The following TMEM164 variants were observed in gnomAD, a reference collection of about 807,000 sequenced individuals.
TMEM164 encodes the protein RP13-360B22.2.
In TMEM164, 4 loss-of-function variants were observed where a neutral mutation model predicts 18.8. That is an observed-to-expected ratio of 0.21 (90% CI 0.10 to 0.49). The LOEUF is 0.49. TMEM164 is among the 20% of genes least tolerant of loss of function. The pLI is 0.98. For synonymous variants in TMEM164, 86 were observed against 101.7 expected (o/e 0.85, Z 0.93); for missense variants, 108 against 239.9 (o/e 0.45, Z 3.63).
chrX:110,062,517 A>C (rs1312469916), intron 2 of TMEM164, among the ~76,000 whole-genome samples: 1 of 111,830 alleles, frequency 8.9e-6, no homozygotes, highest in Non-Finnish European at 1.9e-5. Context: ...ATGGGTCAAA[A>C]GCCTTCAAAT....
At chrX:110,079,027 A>G (rs1468267806) in intron 3 of TMEM164, among the ~76,000 whole-genome samples, 1 of 111,749 alleles carries the variant, frequency 8.9e-6, no homozygotes, top group Non-Finnish European at 1.9e-5. Context: ...CTGGGAATGT[A>G]ACTGTCAATG....
chrX:110,171,453 G>A lies in TMEM164; in HGVS notation c.620G>A (p.Arg207Gln), dbSNP rs773009282. The A allele has an allele frequency of 6.6e-6, 8 of 1,210,516 alleles. No individual in the cohort carries two copies. The highest frequency in any genetic ancestry group is 3.5e-5 in the South Asian group (2 of 56,787). The change falls in exon 6 of 7, where the codon CGG (arginine) becomes CAG (glutamine). Residue 207 changes from arginine (R) to glutamine (Q), a missense_variant. Coordinates refer to ENST00000372068, the MANE Select transcript of TMEM164 (RefSeq NM_032227.4). ...AYTPEPLSSF[R>Q]WALLSTGLMF... ...ACTCCAGAGCCCCTCAGCAGTTTCC[G>A]GTGGGCTCTTCTCTCAACTGGCCTC...
At chrX:110,109,233 G>A in intron 4 of TMEM164, 87 bp downstream of exon 4, 1 of 937,865 alleles carries the variant, frequency 1.1e-6, no homozygotes, top group Non-Finnish European at 1.5e-6. Flanking sequence ...TATACATATA[G>A]CTGGCCAGGC....
chrX:110,070,071 T>C (rs1569314967), intron 3 of TMEM164, among the ~76,000 whole-genome samples: 1 of 111,746 alleles, frequency 8.9e-6, no homozygotes, highest in East Asian at 2.8e-4. Flanking sequence ...ATCCCAGCAC[T>C]TTGGGAGGCT....
chrX:110,033,721 G>C (rs1460126246), intron 2 of TMEM164, among the ~76,000 whole-genome samples: 3 of 111,447 alleles, frequency 2.7e-5, no homozygotes, highest in Non-Finnish European at 5.7e-5. Context: ...AGGACTCCTT[G>C]AGGGCTCTTG....
intron 3 of TMEM164, among the ~76,000 whole-genome samples, chrX:110,103,207 G>C (rs745352183): frequency 8.9e-6 from 1 of 112,390 alleles, no homozygotes; most frequent in South Asian, 3.7e-4. Flanking sequence ...AGTAGACAGA[G>C]GAGAGGGTAA....
intron 5 of TMEM164, among the ~76,000 whole-genome samples, chrX:110,168,644 T>G (rs192572157): frequency 8.9e-6 from 1 of 112,840 alleles, no homozygotes. Flanking sequence ...AGCCTGAGCT[T>G]CTTCCACAGA....
At chrX:110,121,593 T>C (rs960265359) in intron 4 of TMEM164, among the ~76,000 whole-genome samples, 2 of 112,417 alleles carry the variant, frequency 1.8e-5, no homozygotes, top group African/African-American at 3.2e-5. Context: ...TGTTTAGCCA[T>C]TTGTCGGTTA....
chrX:110,020,378 T>C, intron 2 of TMEM164: 1 of 754,447 alleles, frequency 1.3e-6, no homozygotes, highest in Non-Finnish European at 1.6e-6. Flanking sequence ...GGATGGATTG[T>C]CCAGCAGGCT....
chrX:110,008,376 T>A (rs1932852190), intron 2 of TMEM164, among the ~76,000 whole-genome samples: 1 of 111,957 alleles, frequency 8.9e-6, no homozygotes, highest in East Asian at 2.8e-4. Context: ...CCATCTGTTG[T>A]CTGGAGCACT....
In TMEM164 at chrX:110,170,116, A is replaced by G. The variant is rs750605625; in HGVS notation, c.587-1304A>G. Among the ~76,000 whole-genome samples the G allele has an allele frequency of 9.8e-5, 11 of 112,211 alleles. No homozygotes were observed. The East Asian group carries it at 3.1e-3, about 31-fold the overall frequency. On this transcript the variant is annotated intron_variant, in intron 5 of 6. Transcript: ENST00000372068. Reference sequence around the variant, plus strand: ...CTGTGGCCCCATGGAACCCTTATCCATAGTTCTCTGAATTGCCCCACTCTT... The same window carrying G: ...CTGTGGCCCCATGGAACCCTTATCCGTAGTTCTCTGAATTGCCCCACTCTT...
intron 4 of TMEM164, among the ~76,000 whole-genome samples, chrX:110,133,143 C>T (rs1363574999): frequency 1.8e-5 from 2 of 110,188 alleles, no homozygotes; most frequent in African/African-American, 3.4e-5. Context: ...GTTGTAATCT[C>T]TTCTTCTTTA....
chrX:110,128,415 T>A (rs898264738), intron 4 of TMEM164, among the ~76,000 whole-genome samples: 1 of 112,566 alleles, frequency 8.9e-6, no homozygotes, highest in African/African-American at 3.2e-5. Flanking sequence ...GTGGTCAGCC[T>A]TTTTACTCCT....
intron 2 of TMEM164, among the ~76,000 whole-genome samples, chrX:110,005,672 C>T (rs138799282): frequency 0.013 from 1,424 of 112,417 alleles, 27 homozygotes; most frequent in African/African-American, 0.044. Context: ...ATGCCATTCA[C>T]AGGAAGTCCA....
At chrX:110,100,701 A>T (rs1314608516) in intron 3 of TMEM164, among the ~76,000 whole-genome samples, 2 of 110,511 alleles carry the variant, frequency 1.8e-5, no homozygotes, top group Non-Finnish European at 3.8e-5. Flanking sequence ...CCTCCGGAGT[A>T]GCTGGGACTA....
At chrX:110,104,365 C>T (rs1569330312) in intron 3 of TMEM164, among the ~76,000 whole-genome samples, 1 of 111,661 alleles carries the variant, frequency 9.0e-6, no homozygotes. Flanking sequence ...TGTTCTTTCT[C>T]CAGTAAATGG....
intron 5 of TMEM164, among the ~76,000 whole-genome samples, chrX:110,160,186 A>G (rs1052652117): frequency 8.9e-6 from 1 of 112,060 alleles, no homozygotes; most frequent in African/African-American, 3.3e-5. Flanking sequence ...GTTCACAAAT[A>G]GGATCTTAAG....
intron 2 of TMEM164, among the ~76,000 whole-genome samples, chrX:110,028,493 A>C (rs1336706535): frequency 8.9e-6 from 1 of 112,451 alleles, no homozygotes; most frequent in Non-Finnish European, 1.9e-5. Context: ...TAAAAGGTTA[A>C]TAATTTTTGC....
chrX:110,098,454 C>T (rs2066054805), intron 3 of TMEM164, among the ~76,000 whole-genome samples: 1 of 110,965 alleles, frequency 9.0e-6, no homozygotes, highest in Admixed American at 9.6e-5. Context: ...AGGGTGAGTA[C>T]TAGTGTTTTT....
Sources: gnomAD v4.1 joint callset for allele counts (sites outside exome capture counted in the v4.1 genomes callset) on GRCh38, gnomAD v4.1.1 for gene constraint, MANE v1.5 for transcripts, NCBI Gene and HGNC (gene_info 2026-07-23, HGNC 2026-07-21) for gene names.